HS3ST3A1: variants seen among roughly 807,000 people sequenced by gnomAD.
HS3ST3A1 encodes the protein heparan sulfate glucosamine 3-O-sulfotransferase 3A1.
In HS3ST3A1, 19 loss-of-function variants were observed where a neutral mutation model predicts 25.7. The observed-to-expected ratio is 0.74, with a 90% CI of 0.52 to 1.08. HS3ST3A1 has a LOEUF of 1.08. Among genes scored for constraint, HS3ST3A1 ranks in the 50% least tolerant of loss-of-function variants. The pLI is 0.00. For missense variants in HS3ST3A1, 459 were observed against 594.3 expected, an observed-to-expected ratio of 0.77 and a Z score of 2.37; for synonymous variants, 226 against 278.6, an observed-to-expected ratio of 0.81 and a Z score of 1.88.
At chr17:13,548,283 G>A (rs1378874897) in intron 1 of HS3ST3A1, among the ~76,000 whole-genome samples, 2 of 152,078 alleles carry the variant, frequency 1.3e-5, no homozygotes, top group Non-Finnish European at 2.9e-5. Context: ...TTTGTAAATG[G>A]CCATATTCTG....
At chr17:13,554,675 G>A (rs1012522673) in intron 1 of HS3ST3A1, among the ~76,000 whole-genome samples, 1 of 152,166 alleles carries the variant, frequency 6.6e-6, no homozygotes, top group East Asian at 1.9e-4. Context: ...AGCATGCTCA[G>A]CCTCCTTTTG....
chr17:13,503,749 G>T (rs1952125634), intron 1 of HS3ST3A1, among the ~76,000 whole-genome samples: 1 of 152,134 alleles, frequency 6.6e-6, no homozygotes, highest in South Asian at 2.1e-4. Flanking sequence ...TGTGGAACTG[G>T]CACTTTGGTG....
intron 1 of HS3ST3A1, among the ~76,000 whole-genome samples, chr17:13,542,753 G>A (rs945592742): frequency 6.6e-6 from 1 of 152,106 alleles, no homozygotes; most frequent in African/African-American, 2.4e-5. Flanking sequence ...GGTGGCTGGG[G>A]GCTCCTGGAT....
intron 1 of HS3ST3A1, among the ~76,000 whole-genome samples, chr17:13,501,615 A>G (rs1455946369): frequency 6.6e-6 from 1 of 152,178 alleles, no homozygotes; most frequent in African/African-American, 2.4e-5. Context: ...TGATCACTAG[A>G]TAGTAATTTA....
chr17:13,512,414 G>T (rs891134234), intron 1 of HS3ST3A1, among the ~76,000 whole-genome samples: 1 of 152,154 alleles, frequency 6.6e-6, no homozygotes, highest in African/African-American at 2.4e-5. Context: ...GGGCTGAGGG[G>T]TGTGGGGAAT....
intron 1 of HS3ST3A1, among the ~76,000 whole-genome samples, chr17:13,595,849 T>G (rs749019461): frequency 7.4e-6 from 1 of 135,028 alleles, no homozygotes; most frequent in African/African-American, 2.7e-5. Flanking sequence ...CCTTTTTGGT[T>G]GTTGTTGTTG....
At chr17:13,543,353 G>A (rs1906989760) in intron 1 of HS3ST3A1, among the ~76,000 whole-genome samples, 1 of 152,084 alleles carries the variant, frequency 6.6e-6, no homozygotes, top group Non-Finnish European at 1.5e-5. Context: ...CCCAGATGAT[G>A]TGTGCTGGAG....
At chr17:13,581,550 C>T (rs765084503) in intron 1 of HS3ST3A1, among the ~76,000 whole-genome samples, 1 of 151,326 alleles carries the variant, frequency 6.6e-6, no homozygotes, top group African/African-American at 2.4e-5. Flanking sequence ...AAGTTGTCTA[C>T]ACACCCAACA....
intron 1 of HS3ST3A1, among the ~76,000 whole-genome samples, chr17:13,516,190 A>T (rs1292802265): frequency 1.3e-5 from 2 of 152,098 alleles, no homozygotes; most frequent in Non-Finnish European, 2.9e-5. Context: ...CGTGCCTGTA[A>T]TCCCAGCTAC....
At chr17:13,543,290 A>G (rs1906988290) in intron 1 of HS3ST3A1, among the ~76,000 whole-genome samples, 1 of 152,178 alleles carries the variant, frequency 6.6e-6, no homozygotes, top group African/African-American at 2.4e-5. Context: ...TTAACCTATG[A>G]TATCTGATGC....
At chr17:13,537,044 C>T (rs536383231) in intron 1 of HS3ST3A1, among the ~76,000 whole-genome samples, 42 of 152,278 alleles carry the variant, frequency 2.8e-4, no homozygotes, top group African/African-American at 7.7e-4. Context: ...AGCTCACATA[C>T]GCAGACTTCT....
chr17:13,524,401 G>T (rs1906343778), intron 1 of HS3ST3A1, among the ~76,000 whole-genome samples: 1 of 152,070 alleles, frequency 6.6e-6, no homozygotes, highest in South Asian at 2.1e-4. Context: ...GAGACTACAG[G>T]CACACACTAC....
intron 1 of HS3ST3A1, among the ~76,000 whole-genome samples, chr17:13,585,869 T>TTTAGA (rs1567630423): frequency 9.5e-6 from 1 of 104,908 alleles, no homozygotes; most frequent in African/African-American, 3.5e-5. Flanking sequence ...TTTTTTTTTC[T>TTTAGA]GACAGAGTCT....
chr17:13,554,146 G>A (rs1299179584), intron 1 of HS3ST3A1, among the ~76,000 whole-genome samples: 4 of 152,132 alleles, frequency 2.6e-5, no homozygotes, highest in Non-Finnish European at 4.4e-5. Context: ...CAAGACATTC[G>A]ATTGTACCTT....
chr17:13,527,690 T>C (rs1906477196), intron 1 of HS3ST3A1, among the ~76,000 whole-genome samples: 1 of 152,190 alleles, frequency 6.6e-6, no homozygotes, highest in African/African-American at 2.4e-5. Context: ...GGAAACAAAC[T>C]CTGCTCCAAT....
At chr17:13,516,685 G>A (rs1040580115) in intron 1 of HS3ST3A1, among the ~76,000 whole-genome samples, 2 of 152,112 alleles carry the variant, frequency 1.3e-5, no homozygotes, top group Non-Finnish European at 2.9e-5. Flanking sequence ...ACCTTAAGCT[G>A]TTCTTTTTTA....
chr17:13,508,929 A>G (rs974867627), intron 1 of HS3ST3A1, among the ~76,000 whole-genome samples: 2 of 152,038 alleles, frequency 1.3e-5, no homozygotes, highest in African/African-American at 4.8e-5. Flanking sequence ...AGCAAAAAGT[A>G]ATATTTCCTA....
intron 1 of HS3ST3A1, among the ~76,000 whole-genome samples, chr17:13,535,126 T>C (rs1201303558): frequency 2.6e-5 from 4 of 152,226 alleles, no homozygotes; most frequent in Non-Finnish European, 5.9e-5. Context: ...CCTATGAGTT[T>C]CTGGTCACAT....
intron 1 of HS3ST3A1, among the ~76,000 whole-genome samples, chr17:13,498,821 A>G (rs1273344350): frequency 6.6e-6 from 1 of 152,162 alleles, no homozygotes; most frequent in Non-Finnish European, 1.5e-5. Context: ...TCTTGCATAC[A>G]CAGTAATAAA....
Sources: allele counts gnomAD v4.1 joint callset (sites outside exome capture counted in the v4.1 genomes callset), GRCh38; gene constraint gnomAD v4.1.1; transcripts MANE v1.5; gene names NCBI Gene and HGNC (gene_info 2026-07-23, HGNC 2026-07-21).